Variants in PLEKHH2 observed in about 807,000 individuals in gnomAD.
PLEKHH2 encodes the protein pleckstrin homology, MyTH4 and FERM domain containing H2.
A neutral mutation model predicts 187.9 loss-of-function variants in PLEKHH2; 129 were observed. That is an observed-to-expected ratio of 0.69 (90% confidence interval 0.59 to 0.79). The LOEUF (loss-of-function observed/expected upper bound fraction) is 0.79, where lower values mean the gene tolerates loss of function less well. Ranked by LOEUF, PLEKHH2 falls within the 30% of genes least tolerant of loss-of-function variation. The probability of loss-of-function intolerance (pLI) is 0.00; values close to 1 mark genes in which losing one functional copy is unlikely to be tolerated. For synonymous variants in PLEKHH2, 686 were observed against 605.6 expected, an observed-to-expected ratio of 1.13 and a Z score of -1.95; for missense variants, 2,076 against 1,751.2, an observed-to-expected ratio of 1.19 and a Z score of -3.31.
Position 43,703,993 on chromosome 2 carries a change from T to TA in PLEKHH2, c.1664dup (p.Tyr555Ter). The TA allele has an allele frequency of 6.2e-7, 1 of 1,600,804 alleles. No homozygotes were observed. Among genetic ancestry groups the TA allele is most frequent in the Non-Finnish European group, 8.5e-7 (1 of 1,170,540 alleles). ...TCTTTTACCCTAGGAAAGCAGAATT[T>TA]ATGCTGTAGCCAAATCAGGTATTCG... ...HRFPSWESRI[Y>*]AVAKSGIRMS... The change falls in exon 9 of 30, where the codon TAT becomes TAAT. Residue 555 changes from tyrosine to a stop codon, truncating the protein, a stop_gained and frameshift_variant. Transcript: ENST00000282406. LOFTEE classifies it high-confidence loss of function.
chr2:43,700,888 G>T (rs996418035), intron 8 of PLEKHH2, among the ~76,000 whole-genome samples: 3 of 152,130 alleles, frequency 2.0e-5, no homozygotes, highest in African/African-American at 7.2e-5. Flanking sequence ...GACCTCAAGT[G>T]ATCCACCTGC....
chr2:43,753,857 A>G (rs1210773433), intron 25 of PLEKHH2, 97 bp downstream of exon 25: 1 of 1,098,300 alleles, frequency 9.1e-7, no homozygotes, highest in Non-Finnish European at 1.2e-6. Context: ...ATAATTCTTT[A>G]CATTCGTTTT....
At chr2:43,755,654 C>A (rs1001040719) in intron 25 of PLEKHH2, among the ~76,000 whole-genome samples, 4 of 152,158 alleles carry the variant, frequency 2.6e-5, no homozygotes, top group African/African-American at 9.7e-5. Flanking sequence ...AGCTTGAGAG[C>A]CAGTTGTCAC....
chr2:43,728,788 C>G (rs1480990919), intron 17 of PLEKHH2, among the ~76,000 whole-genome samples: 2 of 152,052 alleles, frequency 1.3e-5, no homozygotes, highest in African/African-American at 4.8e-5. Context: ...TCTCAAACCC[C>G]TGACCTCAGA....
chr2:43,657,369 C>A (rs988086623), intron 2 of PLEKHH2, among the ~76,000 whole-genome samples: 1 of 152,166 alleles, frequency 6.6e-6, no homozygotes, highest in Non-Finnish European at 1.5e-5. Context: ...GATGCCTCAG[C>A]TGGGAGTGGT....
chr2:43,660,227 T>C (rs927611241), intron 2 of PLEKHH2, among the ~76,000 whole-genome samples: 11 of 152,344 alleles, frequency 7.2e-5, no homozygotes, highest in African/African-American at 2.6e-4. Flanking sequence ...TCCTGTTTAT[T>C]GTAGAGTAGT....
chr2:43,756,723 G>A (rs1281455084), intron 25 of PLEKHH2, among the ~76,000 whole-genome samples: 14 of 152,114 alleles, frequency 9.2e-5, no homozygotes, highest in African/African-American at 1.7e-4. Context: ...CAAGGTAGGC[G>A]GATCACTTGA....
At chr2:43,697,698 T>C (rs2104478459) in intron 7 of PLEKHH2, among the ~76,000 whole-genome samples, 1 of 152,300 alleles carries the variant, frequency 6.6e-6, no homozygotes, top group South Asian at 2.1e-4. Flanking sequence ...AATTTCCTAT[T>C]CATTATTTAT....
chr2:43,744,748 G>A (rs1456300952), intron 23 of PLEKHH2, among the ~76,000 whole-genome samples: 1 of 151,354 alleles, frequency 6.6e-6, no homozygotes, highest in African/African-American at 2.4e-5. Flanking sequence ...CACACCTGTA[G>A]TCCCAGCTAC....
At position 43,678,385 on chromosome 2, in the gene PLEKHH2, C is replaced by A. The variant is rs75551785; in HGVS notation, c.124-478C>A. On this transcript the variant is annotated intron_variant, in intron 2 of 29. Transcript: ENST00000282406. ...GCTGGGAGGTGGAGGTTGTAGCGAG[C>A]CGAGATCACGCCACTGCACTCCAGC... Among the ~76,000 whole-genome samples the A allele has an allele frequency of 1.3e-3, 196 of 149,184 alleles. 1 individual carries two copies. The highest frequency in any genetic ancestry group is 4.7e-3 in the African/African-American group (189 of 40,558).
Position 43,678,840 on chromosome 2 carries a change from T to C in PLEKHH2, c.124-23T>C, listed in dbSNP as rs375238230. ...ATTTTTCAAAAATAAATTTTTGTAT[T>C]TATATTTTCCCTCACTCTACAGATG... On this transcript the variant is annotated intron_variant, in intron 2 of 29. Transcript: ENST00000282406. 14 of 1,550,234 alleles carry C rather than the reference T, an allele frequency of 9.0e-6. No individual in the cohort carries two copies. In the African/African-American group the frequency reaches 1.7e-4, roughly 18 times the overall value.
At chr2:43,743,701 A>G in intron 22 of PLEKHH2, 133 bp from the exon 23 acceptor site, 1 of 871,006 alleles carries the variant, frequency 1.1e-6, no homozygotes. Context: ...GAGCTTTGGG[A>G]AAAAAAGTTG....
chr2:43,700,654 C>A, intron 8 of PLEKHH2, 46 bp downstream of exon 8: 1 of 1,544,110 alleles, frequency 6.5e-7, no homozygotes, highest in Non-Finnish European at 8.7e-7. Flanking sequence ...GTTTTTTTCT[C>A]AACACTTTTT....
chr2:43,677,655 C>G (rs1667889932), intron 2 of PLEKHH2, among the ~76,000 whole-genome samples: 1 of 151,958 alleles, frequency 6.6e-6, no homozygotes, highest in Admixed American at 6.6e-5. Context: ...ACCTTTCCCC[C>G]ATTTCTATTC....
chr2:43,655,334 G>T (rs1476117812), intron 2 of PLEKHH2, among the ~76,000 whole-genome samples: 1 of 152,094 alleles, frequency 6.6e-6, no homozygotes, highest in South Asian at 2.1e-4. Context: ...TGGGGGATTT[G>T]GTGAAGGAAA....
intron 3 of PLEKHH2, among the ~76,000 whole-genome samples, chr2:43,685,586 C>G (rs1239292398): frequency 4.0e-5 from 6 of 150,892 alleles, no homozygotes; most frequent in African/African-American, 1.5e-4. Context: ...TGCCACCACA[C>G]CCAGTTAATG....
intron 23 of PLEKHH2, chr2:43,744,207 G>A: frequency 9.7e-7 from 1 of 1,032,358 alleles, no homozygotes; most frequent in Non-Finnish European, 1.3e-6. Flanking sequence ...ATTAAAGAGA[G>A]GAAAGGTGTT....
intron 3 of PLEKHH2, among the ~76,000 whole-genome samples, chr2:43,686,666 T>C (rs1320889135): frequency 1.3e-5 from 2 of 152,262 alleles, no homozygotes; most frequent in Non-Finnish European, 2.9e-5. Flanking sequence ...AGAAGAATCC[T>C]ACTTTATAAT....
chr2:43,681,366 T>A lies in PLEKHH2; in HGVS notation c.186+2441T>A, dbSNP rs532603106. The A allele has an allele frequency of 3.1e-5, 44 of 1,407,544 alleles. No homozygotes were observed. In the African/African-American group the frequency reaches 5.1e-4, roughly 16 times the overall value. The allele number at this position is 1,407,544 out of a possible 1,614,324, so 87.2% of individuals were successfully genotyped here. ...GGGTCACCTGTCATCAGAATTTACT[T>A]CTTGGCTGCTACTGGAAGGTTCTTG... On this transcript the variant is annotated intron_variant, in intron 3 of 29. Transcript: ENST00000282406.
Sources: allele counts gnomAD v4.1 joint callset (sites outside exome capture counted in the v4.1 genomes callset), GRCh38; gene constraint gnomAD v4.1.1; transcripts MANE v1.5; gene names NCBI Gene and HGNC (gene_info 2026-07-23, HGNC 2026-07-21).